Variants in MPZL1 observed in about 807,000 individuals in gnomAD.
MPZL1 encodes the protein myelin protein zero like 1.
MPZL1 carries 16 observed loss-of-function variants against 29.3 expected under a neutral mutation model. That is an observed-to-expected ratio of 0.55 (90% confidence interval 0.37 to 0.83). MPZL1 has a LOEUF of 0.83. MPZL1 is among the 40% of genes least tolerant of loss of function. MPZL1 has a pLI of 0.00. For missense variants in MPZL1, 279 were observed against 332.9 expected (o/e 0.84, Z 1.26); for synonymous variants, 143 against 132.0 (o/e 1.08, Z -0.57).
At chr1:167,730,570 T>C (rs1660241654) in intron 1 of MPZL1, among the ~76,000 whole-genome samples, 1 of 152,078 alleles carries the variant, frequency 6.6e-6, no homozygotes, top group Non-Finnish European at 1.5e-5. Flanking sequence ...TGAGCCACCA[T>C]GTCAGCTGAT....
intron 1 of MPZL1, among the ~76,000 whole-genome samples, chr1:167,744,963 A>AT (rs1358834062): frequency 1.3e-5 from 2 of 152,146 alleles, no homozygotes; most frequent in African/African-American, 4.8e-5. Context: ...GTGGAAACTG[A>AT]TGATACCATA....
At chr1:167,724,926 T>G (rs1323625167) in intron 1 of MPZL1, among the ~76,000 whole-genome samples, 1 of 152,152 alleles carries the variant, frequency 6.6e-6, no homozygotes, top group Non-Finnish European at 1.5e-5. Context: ...ACAAAGAGTC[T>G]CTGTGAGTAA....
chr1:167,777,712 G>A lies in MPZL1; in HGVS notation c.708+1546G>A, dbSNP rs558008330. Among the ~76,000 whole-genome samples, 317 of 152,292 alleles carry A rather than the reference G, an allele frequency of 2.1e-3. 2 individuals are homozygous for A. Among genetic ancestry groups the A allele is most frequent in the Admixed American group, 7.3e-3 (112 of 15,310 alleles). ...CAGGGGAAGAACTACCTGAAATGCA[G>A]TAGGTTGCACAATGCCTGGTGCTCA... On this transcript the variant is annotated intron_variant, in intron 5 of 5. Transcript: ENST00000359523.
At position 167,773,373 on chromosome 1, in the gene MPZL1, G is replaced by T. The variant is rs1249693946; in HGVS notation, c.605+5G>T. On this transcript the variant is annotated splice_donor_5th_base_variant and intron_variant, in intron 4 of 5. Transcript: ENST00000359523. ...CTCTAAACGGGATTACACTGGGTAA[G>T]AAACACTGTTTTTTTAGGGCAGGGG... 6.2e-7 allele frequency: 1 copy of T among 1,610,050 alleles called. No individual in the cohort carries two copies. Among genetic ancestry groups the T allele is most frequent in the Non-Finnish European group, 8.5e-7 (1 of 1,178,740 alleles).
intron 5 of MPZL1, among the ~76,000 whole-genome samples, chr1:167,782,774 A>T (rs1249014782): frequency 6.6e-6 from 1 of 152,164 alleles, no homozygotes; most frequent in East Asian, 1.9e-4. Flanking sequence ...AGGGAGGCAG[A>T]AGGGTAAGCA....
In MPZL1 at chr1:167,776,105, C is replaced by T; in HGVS notation, c.647C>T (p.Pro216Leu). The T allele has an allele frequency of 6.2e-7, 1 of 1,612,568 alleles. No homozygotes were observed. Among genetic ancestry groups the T allele is most frequent in the Non-Finnish European group, 8.5e-7 (1 of 1,179,154 alleles). ...SESLSPVKQA[P>L]RKSPSDTEGL... ...AGTTTGTCACCAGTTAAGCAGGCTC[C>T]TCGGAAGTCCCCCTCCGACACTGAG... Residue 216 changes from proline (P) to leucine (L), a missense_variant, in exon 5 of 6, where the codon CCT becomes CTT. Coordinates refer to ENST00000359523, the MANE Select transcript of MPZL1 (RefSeq NM_003953.6).
At chr1:167,778,881 A>G (rs1025833078) in intron 5 of MPZL1, among the ~76,000 whole-genome samples, 2 of 152,166 alleles carry the variant, frequency 1.3e-5, no homozygotes, top group Admixed American at 6.5e-5. Context: ...GAAACTATCC[A>G]AAATGAAGCT....
intron 1 of MPZL1, among the ~76,000 whole-genome samples, chr1:167,750,726 G>C (rs536118807): frequency 6.6e-6 from 1 of 152,268 alleles, no homozygotes; most frequent in South Asian, 2.1e-4. Flanking sequence ...TATTGAAACA[G>C]TAACAGTACT....
intron 1 of MPZL1, among the ~76,000 whole-genome samples, chr1:167,762,065 G>A (rs1267255756): frequency 6.6e-6 from 1 of 152,164 alleles, no homozygotes; most frequent in Non-Finnish European, 1.5e-5. Flanking sequence ...TCTGGAGTGG[G>A]TGCAGGTACT....
intron 2 of MPZL1, among the ~76,000 whole-genome samples, chr1:167,769,703 T>C (rs1158612511): frequency 1.3e-5 from 2 of 152,228 alleles, no homozygotes; most frequent in African/African-American, 4.8e-5. Context: ...TTAGGTCATA[T>C]GAAATGCAGG....
At chr1:167,734,911 G>T (rs550288476) in intron 1 of MPZL1, among the ~76,000 whole-genome samples, 1 of 152,284 alleles carries the variant, frequency 6.6e-6, no homozygotes, top group African/African-American at 2.4e-5. Flanking sequence ...CAATATTCAG[G>T]ATCCCTTTCC....
intron 1 of MPZL1, among the ~76,000 whole-genome samples, chr1:167,727,928 G>A (rs1660183617): frequency 9.6e-6 from 1 of 104,074 alleles, no homozygotes; most frequent in South Asian, 2.9e-4. Context: ...GAATGCAGTG[G>A]TGCAACCTCG....
intron 1 of MPZL1, among the ~76,000 whole-genome samples, chr1:167,747,380 C>G (rs1196803355): frequency 6.6e-6 from 1 of 152,092 alleles, no homozygotes; most frequent in Non-Finnish European, 1.5e-5. Context: ...GCCACCATGC[C>G]TGGCAAATTT....
chr1:167,754,342 T>G (rs946979411), intron 1 of MPZL1, among the ~76,000 whole-genome samples: 4 of 152,188 alleles, frequency 2.6e-5, no homozygotes, highest in South Asian at 2.1e-4. Context: ...CGTATTTCAT[T>G]TGTTTCCAAA....
At chr1:167,743,058 C>T (rs1660567700) in intron 1 of MPZL1, among the ~76,000 whole-genome samples, 1 of 151,932 alleles carries the variant, frequency 6.6e-6, no homozygotes, top group Non-Finnish European at 1.5e-5. Flanking sequence ...GGTTTGAAAT[C>T]AGGTAATGTG....
intron 2 of MPZL1, among the ~76,000 whole-genome samples, chr1:167,766,906 G>A (rs1571161227): frequency 6.6e-6 from 1 of 152,258 alleles, no homozygotes; most frequent in East Asian, 1.9e-4. Flanking sequence ...ATAGGTTTTA[G>A]GGATTACCTA....
At position 167,787,879 on chromosome 1, in the gene MPZL1, C is replaced by T. The variant is rs1433068744; in HGVS notation, c.768C>T (p.Asn256=). 2 of 1,613,610 alleles carry T rather than the reference C, an allele frequency of 1.2e-6. No homozygotes were observed. Among genetic ancestry groups the T allele is most frequent in the African/African-American group, 2.7e-5 (2 of 74,908 alleles). The change falls in exon 6 of 6, where the codon AAC becomes AAT. Residue 256 remains asparagine (N), a synonymous_variant. Coordinates refer to ENST00000359523, the MANE Select transcript of MPZL1 (RefSeq NM_003953.6). ...HSGGHHSDKI[N]KSESVVYADI... is the part of the protein sequence containing the mutation. ...GCGGACATCACAGTGACAAGATTAACAAGTCAGAGTCTGTGGTGTATGCGG... is the reference window on the plus strand; with the variant it reads ...GCGGACATCACAGTGACAAGATTAATAAGTCAGAGTCTGTGGTGTATGCGG...
In MPZL1 at chr1:167,775,053, C is replaced by G. The variant is rs569052280; in HGVS notation, c.606-1011C>G. The stretch of plus-strand genomic sequence containing the variant: ...TGTGAAGTTACATAGAGTTTTTATG[C>G]ACATCTGAATATTTGTGCTCTTCAT... On this transcript the variant is annotated intron_variant, in intron 4 of 5. Transcript: ENST00000359523. 1.1e-4 allele frequency among the ~76,000 whole-genome samples: 17 copies of G among 152,246 alleles called. No homozygotes were observed. In the South Asian group the frequency reaches 3.5e-3, roughly 32 times the overall value.
chr1:167,744,662 C>T (rs1251730203), intron 1 of MPZL1, among the ~76,000 whole-genome samples: 3 of 127,514 alleles, frequency 2.4e-5, no homozygotes, highest in South Asian at 2.4e-4. Context: ...CCAGCCTGGG[C>T]GAAAGAGCGA....
Sources: allele counts gnomAD v4.1 joint callset (sites outside exome capture counted in the v4.1 genomes callset), GRCh38; gene constraint gnomAD v4.1.1; transcripts MANE v1.5; gene names NCBI Gene and HGNC (gene_info 2026-07-23, HGNC 2026-07-21).